ZNF814: variants seen among roughly 807,000 people sequenced by gnomAD.
The protein encoded by ZNF814 is zinc finger protein 814.
Under a neutral mutation model 7.5 loss-of-function variants are expected in ZNF814, and 5 were observed. The ratio of observed to expected loss-of-function variants is 0.67; its 90% CI spans 0.35 to 1.40. The LOEUF (loss-of-function observed/expected upper bound fraction) is 1.40. Among genes scored for constraint, ZNF814 ranks in the 40% most tolerant of loss-of-function variants. The pLI is 0.04. For missense variants in ZNF814, 962 were observed against 1,018.0 expected, an observed-to-expected ratio of 0.94 and a Z score of 0.75; for synonymous variants, 315 against 340.7, an observed-to-expected ratio of 0.92 and a Z score of 0.83.
In ZNF814 at chr19:57,872,794, G is replaced by A; in HGVS notation, c.*28C>T. On this transcript the variant is annotated 3_prime_UTR_variant, in exon 3 of 3. Coordinates refer to ENST00000435989, the MANE Select transcript of ZNF814 (RefSeq NM_001144989.2). The stretch of plus-strand genomic sequence containing the variant: ...GGTGTGCAATGAGGTGGTCCTTCTT[G>A]CTAAAAACTTTCTGACAATCCTCAC... The A allele has an allele frequency of 6.2e-7, 1 of 1,600,668 alleles. No individual in the cohort carries two copies. The highest frequency in any genetic ancestry group is 8.5e-7 in the Non-Finnish European group (1 of 1,172,946).
chr19:57,900,864 T>C, the ZNF814 span, among the ~76,000 whole-genome samples: 169 of 104,764 alleles, frequency 1.6e-3, no homozygotes, highest in African/African-American at 5.6e-3. Flanking sequence ...TTTTTTTTTT[T>C]TGAGACGGAG....
rs145849148 is a variant in ZNF814 at position 57,874,670 on chromosome 19, C to T, written c.720G>A (p.Glu240=). 1.4e-3 allele frequency: 2,119 copies of T among 1,559,716 alleles called. 40 individuals carry two copies. In the East Asian group the frequency reaches 0.032, roughly 23 times the overall value. Residue 240 remains glutamate, a synonymous_variant, in exon 3 of 3, where the codon GAG becomes GAA. Transcript: ENST00000435989. The part of the protein sequence containing the change: ...SQHQRLLTRE[E]CYVCCECGKS... ...TCCCACATTCACAGCACACATAACACTCTTCTCTAGTGAGCAGTCTCTGGT... is the reference window on the plus strand; with the variant it reads ...TCCCACATTCACAGCACACATAACATTCTTCTCTAGTGAGCAGTCTCTGGT...
rs2071552207 is a variant in ZNF814 at position 57,870,952 on chromosome 19, C to T, written c.*1870G>A. On this transcript the variant is annotated 3_prime_UTR_variant, in exon 3 of 3. Coordinates refer to ENST00000435989, the MANE Select transcript of ZNF814 (RefSeq NM_001144989.2). ...CCAAGATTATGCCACTGCACTCCAG[C>T]CTGGGCAACAGGGTGAGGCTCTGCC... is the stretch of plus-strand genomic sequence containing the variant. The T allele has an allele frequency of 6.6e-6, 1 of 151,920 alleles. No individual in the cohort carries two copies. The highest frequency in any genetic ancestry group is 1.5e-5 in the Non-Finnish European group (1 of 68,020). The allele number at this position is 151,920 out of a possible 1,614,324, so 9.4% of individuals were successfully genotyped here.
chr19:57,895,823 G>T, the ZNF814 span, among the ~76,000 whole-genome samples: 2 of 152,020 alleles, frequency 1.3e-5, no homozygotes, highest in East Asian at 1.9e-4. Flanking sequence ...CCAAGAGAGG[G>T]TTCTTTGGAT....
In ZNF814 at chr19:57,872,613, AC is replaced by A; in HGVS notation, c.*208del. 7.5e-7 allele frequency: 1 copy of A among 1,324,630 alleles called. No homozygotes were observed. 82.1% of individuals were successfully genotyped at this position (1,324,630 alleles called of 1,614,324 possible). A position where few individuals can be genotyped will look rare whatever the true frequency, so the allele number is the denominator to read the frequency against. On this transcript the variant is annotated 3_prime_UTR_variant, in exon 3 of 3. Transcript: ENST00000435989. ...TGTGAACTCTCCTGTGTTTAATGAG[AC>A]TGAAAGTTTCAGCAAAGGATTTCCC... is the stretch of plus-strand genomic sequence containing the variant.
chr19:57,872,811 A>T lies in ZNF814; in HGVS notation c.*11T>A. On this transcript the variant is annotated 3_prime_UTR_variant, in exon 3 of 3. Coordinates refer to ENST00000435989, the MANE Select transcript of ZNF814 (RefSeq NM_001144989.2). ...TCCTTCTTGCTAAAAACTTTCTGAC[A>T]ATCCTCACACTCATATGGCTTTTCT... 6.2e-7 allele frequency: 1 copy of T among 1,608,102 alleles called. No homozygotes were observed.
Position 57,872,598 on chromosome 19 carries a change from C to G in ZNF814, c.*224G>C. Reference sequence around the variant, plus strand: ...AAGACCTTACTCCAGTGTGAACTCTCCTGTGTTTAATGAGACTGAAAGTTT... The same window carrying G: ...AAGACCTTACTCCAGTGTGAACTCTGCTGTGTTTAATGAGACTGAAAGTTT... On this transcript the variant is annotated 3_prime_UTR_variant, in exon 3 of 3. Coordinates refer to ENST00000435989, the MANE Select transcript of ZNF814 (RefSeq NM_001144989.2). The G allele has an allele frequency of 3.3e-6, 4 of 1,221,782 alleles. No homozygotes were observed. Among genetic ancestry groups the G allele is most frequent in the Non-Finnish European group, 4.7e-6 (4 of 855,774 alleles). The allele number at this position is 1,221,782 out of a possible 1,614,324, so 75.7% of individuals were successfully genotyped here.
intron 1 of ZNF814, among the ~76,000 whole-genome samples, chr19:57,883,881 C>A (rs1443242583): frequency 6.6e-6 from 1 of 151,760 alleles, no homozygotes; most frequent in African/African-American, 2.4e-5. Context: ...CCTCAGCTTC[C>A]GAGTAGCTGT....
At chr19:57,896,153 T>C in the ZNF814 span, among the ~76,000 whole-genome samples, 1 of 150,466 alleles carries the variant, frequency 6.6e-6, no homozygotes, top group Admixed American at 6.6e-5. This position sits in a 1 kb window ranked among gnomAD's most constrained non-coding sequence, Gnocchi z 4.2. Flanking sequence ...CGAGCCACTT[T>C]TGTGAGCGAG....
At chr19:57,879,659 G>A (rs144224452) in intron 1 of ZNF814, among the ~76,000 whole-genome samples, 75,881 of 141,004 alleles carry the variant, frequency 0.54, 18,184 homozygotes, top group African/African-American at 0.73. Flanking sequence ...CAGATATCCC[G>A]ACCTATGTGG....
At chr19:57,879,581 A>G (rs1381474725) in intron 1 of ZNF814, among the ~76,000 whole-genome samples, 1 of 146,436 alleles carries the variant, frequency 6.8e-6, no homozygotes, top group Non-Finnish European at 1.5e-5. Flanking sequence ...AATGGGACCC[A>G]TGGCTAACGC....
At chr19:57,894,620 G>T in the ZNF814 span, among the ~76,000 whole-genome samples, 2 of 151,628 alleles carry the variant, frequency 1.3e-5, 1 homozygote, top group South Asian at 4.2e-4. Flanking sequence ...ACGAGGTCAG[G>T]AGATCCAGAC....
the ZNF814 span, among the ~76,000 whole-genome samples, chr19:57,897,273 T>TG: frequency 6.6e-6 from 1 of 152,158 alleles, no homozygotes; most frequent in Non-Finnish European, 1.5e-5. Context: ...GTGATGGCAT[T>TG]GGGGGTAACT....
chr19:57,888,212 T>C (rs1271923772), intron 1 of ZNF814, among the ~76,000 whole-genome samples: 1 of 152,204 alleles, frequency 6.6e-6, no homozygotes, highest in African/African-American at 2.4e-5. Flanking sequence ...TTGTTTGCTA[T>C]ATTGACTGAC....
At chr19:57,883,352 CA>C (rs1239835669) in intron 1 of ZNF814, among the ~76,000 whole-genome samples, 1 of 137,184 alleles carries the variant, frequency 7.3e-6, no homozygotes, top group East Asian at 2.1e-4. Context: ...AGCGAGACTC[CA>C]TCTCAAAAAA....
chr19:57,903,993 C>T, the ZNF814 span, among the ~76,000 whole-genome samples: 1 of 152,140 alleles, frequency 6.6e-6, no homozygotes, highest in African/African-American at 2.4e-5. Flanking sequence ...TGGAAGGCTG[C>T]CCTGCCGCAG....
At chr19:57,894,153 T>C in the ZNF814 span, among the ~76,000 whole-genome samples, 1 of 149,584 alleles carries the variant, frequency 6.7e-6, no homozygotes, top group Non-Finnish European at 1.5e-5. Context: ...AGTGAGGGGA[T>C]CACGAGGTTA....
intron 1 of ZNF814, among the ~76,000 whole-genome samples, chr19:57,880,854 T>C (rs2071647734): frequency 6.6e-6 from 1 of 150,914 alleles, no homozygotes; most frequent in African/African-American, 2.5e-5. Flanking sequence ...CTGACTTCAG[T>C]TGATCCGCCT....
At chr19:57,899,483 G>A in the ZNF814 span, among the ~76,000 whole-genome samples, 1 of 152,180 alleles carries the variant, frequency 6.6e-6, no homozygotes, top group Admixed American at 6.6e-5. Context: ...CAAATTCAAA[G>A]AGATAATTTA....
Sources: gnomAD v4.1 joint callset for allele counts (sites outside exome capture counted in the v4.1 genomes callset) on GRCh38, gnomAD v4.1.1 for gene constraint, Gnocchi (gnomAD v3.1) non-coding constraint, MANE v1.5 for transcripts, NCBI Gene and HGNC (gene_info 2026-07-23, HGNC 2026-07-21) for gene names.